ACSBG1: variants seen among roughly 807,000 people sequenced by gnomAD.
ACSBG1 encodes acyl-CoA synthetase bubblegum family member 1, also known as long-chain-fatty-acid--CoA ligase ACSBG1.
Under a neutral mutation model 80.2 loss-of-function variants are expected in ACSBG1, and 39 were observed. The observed-to-expected ratio is 0.49, with a 90% CI of 0.38 to 0.64. The LOEUF (loss-of-function observed/expected upper bound fraction) is 0.64. Among genes scored for constraint, ACSBG1 ranks in the 30% least tolerant of loss-of-function variants. The pLI is 0.00. For missense variants in ACSBG1, 828 were observed against 966.4 expected, an observed-to-expected ratio of 0.86 and a Z score of 1.90; for synonymous variants, 392 against 379.5, an observed-to-expected ratio of 1.03 and a Z score of -0.38.
chr15:78,213,085 T>C lies in ACSBG1; in HGVS notation c.132-4983A>G, dbSNP rs188001530. Among the ~76,000 whole-genome samples, 288 of 152,204 alleles carry C rather than the reference T, an allele frequency of 1.9e-3. 4 individuals are homozygous for C. Among genetic ancestry groups the C allele is most frequent in the African/African-American group, 6.6e-3 (274 of 41,532 alleles). On this transcript the variant is annotated intron_variant, in intron 1 of 13. Coordinates refer to ENST00000258873, the MANE Select transcript of ACSBG1 (RefSeq NM_015162.5). The stretch of plus-strand genomic sequence containing the variant: ...TGACTCCCCAATGGCTGGAGAATGT[T>C]CTCCATGGAAGGTGTTGCCTAACTA...
At chr15:78,200,167 G>T (rs970974368) in intron 2 of ACSBG1, among the ~76,000 whole-genome samples, 1 of 152,150 alleles carries the variant, frequency 6.6e-6, no homozygotes, top group Admixed American at 6.5e-5. Flanking sequence ...CTGTGCTTTT[G>T]TGTCAGGTCA....
chr15:78,234,003 G>A (rs2075471507), intron 1 of ACSBG1, among the ~76,000 whole-genome samples: 1 of 152,186 alleles, frequency 6.6e-6, no homozygotes, highest in African/African-American at 2.4e-5. Context: ...GAACCTCTGG[G>A]TCCCCACCAA....
chr15:78,226,936 T>C (rs889187073), intron 1 of ACSBG1, among the ~76,000 whole-genome samples: 1 of 150,852 alleles, frequency 6.6e-6, no homozygotes, highest in African/African-American at 2.4e-5. Flanking sequence ...AGACACACCA[T>C]TGGCCAGGGG....
chr15:78,199,618 C>T (rs971905091), intron 2 of ACSBG1, among the ~76,000 whole-genome samples: 8 of 150,678 alleles, frequency 5.3e-5, no homozygotes, highest in African/African-American at 2.0e-4. Context: ...AGCCATTCCA[C>T]AAAGTAACGG....
chr15:78,179,849 A>G (rs2074924203), intron 9 of ACSBG1, 69 bp from the exon 10 acceptor site: 1 of 1,245,890 alleles, frequency 8.0e-7, no homozygotes, highest in African/African-American at 1.5e-5. Context: ...ACACATACAC[A>G]CATTAAAAGG....
chr15:78,180,874 T>C lies in ACSBG1; in HGVS notation c.1134A>G (p.Val378=), dbSNP rs1461730532. Residue 378 remains valine (V), a synonymous_variant, in exon 9 of 14, where the codon GTA becomes GTG. Transcript: ENST00000258873. ...GGATGCGCTCCATGATCTTCTCCCATACCCGGGGCACCCCCATGTGTGATG... is the reference window on the plus strand; with the variant it reads ...GGATGCGCTCCATGATCTTCTCCCACACCCGGGGCACCCCCATGTGTGATG... The part of the protein sequence containing the change: ...EPTSHMGVPR[V]WEKIMERIQE... 6.2e-7 allele frequency: 1 copy of C among 1,614,152 alleles called. No individual in the cohort carries two copies. The highest frequency in any genetic ancestry group is 1.7e-5 in the Admixed American group (1 of 60,020).
chr15:78,230,166 T>C (rs557256580), intron 1 of ACSBG1, among the ~76,000 whole-genome samples: 1 of 152,274 alleles, frequency 6.6e-6, no homozygotes, highest in East Asian at 1.9e-4. Context: ...ATGGAGGGCA[T>C]GGTCTACAGC....
intron 11 of ACSBG1, among the ~76,000 whole-genome samples, chr15:78,174,992 CTG>C (rs1466317805): frequency 6.6e-6 from 1 of 152,218 alleles, no homozygotes; most frequent in Admixed American, 6.5e-5. Context: ...GATGAGGAAA[CTG>C]AGGCACAGAG....
intron 1 of ACSBG1, among the ~76,000 whole-genome samples, chr15:78,220,940 T>C (rs1414530592): frequency 6.6e-6 from 1 of 152,238 alleles, no homozygotes; most frequent in Non-Finnish European, 1.5e-5. Context: ...GATCCAGCAA[T>C]TCCACTCCTT....
chr15:78,230,997 G>A (rs902590079), intron 1 of ACSBG1, among the ~76,000 whole-genome samples: 1 of 152,212 alleles, frequency 6.6e-6, no homozygotes, highest in Non-Finnish European at 1.5e-5. Context: ...ACAGGGTCTT[G>A]CTGTGTCACC....
intron 1 of ACSBG1, among the ~76,000 whole-genome samples, chr15:78,225,179 C>A (rs1014868988): frequency 9.2e-5 from 14 of 152,096 alleles, no homozygotes; most frequent in African/African-American, 3.4e-4. Flanking sequence ...GCAGGTGGAT[C>A]ACCTGAGGTC....
chr15:78,179,885 C>A, intron 9 of ACSBG1, 105 bp from the exon 10 acceptor site: 1 of 991,668 alleles, frequency 1.0e-6, no homozygotes, highest in Non-Finnish European at 1.5e-6. Flanking sequence ...TCAGTGAGAA[C>A]ACCCTGGCTC....
intron 9 of ACSBG1, 95 bp downstream of exon 9, chr15:78,180,660 C>G (rs1295501965): frequency 1.3e-5 from 20 of 1,485,388 alleles, no homozygotes; most frequent in Non-Finnish European, 1.8e-5. Flanking sequence ...GCCACTGGAA[C>G]CGGGACAGGC....
At chr15:78,209,325 GA>G in intron 1 of ACSBG1, 2 of 447,132 alleles carry the variant, frequency 4.5e-6, no homozygotes, top group Non-Finnish European at 9.1e-6. Context: ...GATGACTGGG[GA>G]ACCAAGGTGG....
chr15:78,222,506 TA>T (rs536667154), intron 1 of ACSBG1, among the ~76,000 whole-genome samples: 1 of 151,922 alleles, frequency 6.6e-6, no homozygotes, highest in Admixed American at 6.6e-5. Context: ...CCACAAATAA[TA>T]AAAAAATTAG....
rs1388910498 is a variant in ACSBG1, at chr15:78,194,550, G to A, written c.409C>T (p.Gln137Ter). 4 of 1,614,226 alleles carry A rather than the reference G, an allele frequency of 2.5e-6. No individual in the cohort carries two copies. The highest frequency in any genetic ancestry group is 1.7e-6 in the Non-Finnish European group (2 of 1,180,032). ...QDKWEHISYS[Q>*]YYLLARRAAK... ...GCTCTGCGGGCGAGCAGGTAGTATTGGGAGTAGGAGATGTGTTCCCACTTG... is the reference window on the plus strand; with the variant it reads ...GCTCTGCGGGCGAGCAGGTAGTATTAGGAGTAGGAGATGTGTTCCCACTTG... The change falls in exon 3 of 14, where the codon CAA becomes TAA. Residue 137 changes from glutamine (Q) to a stop codon, truncating the protein, a stop_gained. Transcript: ENST00000258873. LOFTEE classifies it high-confidence loss of function.
At chr15:78,183,214 A>G (rs1424547220) in intron 5 of ACSBG1, among the ~76,000 whole-genome samples, 1 of 152,254 alleles carries the variant, frequency 6.6e-6, no homozygotes, top group Non-Finnish European at 1.5e-5. Flanking sequence ...ATATGCGCAT[A>G]GTATGCTATA....
intron 5 of ACSBG1, among the ~76,000 whole-genome samples, chr15:78,187,063 A>G (rs2075011488): frequency 6.6e-6 from 1 of 152,232 alleles, no homozygotes; most frequent in Admixed American, 6.5e-5. Flanking sequence ...CAAATAAACT[A>G]GAAAATCTAC....
At chr15:78,171,783 G>C (rs1232966951) in intron 13 of ACSBG1, 2 of 341,092 alleles carry the variant, frequency 5.9e-6, no homozygotes, top group African/African-American at 4.2e-5. Context: ...TCTGAGAATA[G>C]GTTATAAAAG....
Sources: gnomAD v4.1 joint callset for allele counts (sites outside exome capture counted in the v4.1 genomes callset) on GRCh38, gnomAD v4.1.1 for gene constraint, MANE v1.5 for transcripts, NCBI Gene and HGNC (gene_info 2026-07-23, HGNC 2026-07-21) for gene names.